The following TMEM67 variants were observed in gnomAD, a reference collection of about 807,000 sequenced individuals.
The protein encoded by TMEM67 is transmembrane protein 67.
Under a neutral mutation model 136.6 loss-of-function variants are expected in TMEM67, and 124 were observed. The observed-to-expected ratio is 0.91, with a 90% CI of 0.78 to 1.05. The LOEUF is 1.05. TMEM67 is among the 50% of genes least tolerant of loss of function. TMEM67 has a pLI of 0.00. For synonymous variants in TMEM67, 364 were observed against 390.5 expected (o/e 0.93, Z 0.80); for missense variants, 1,107 against 1,178.4 (o/e 0.94, Z 0.89).
chr8:93,801,752 A>G (rs1814881781), intron 21 of TMEM67, among the ~76,000 whole-genome samples: 1 of 152,188 alleles, frequency 6.6e-6, no homozygotes, highest in Admixed American at 6.5e-5. Context: ...GGTATTCAGT[A>G]ATCTGTGGAT....
At chr8:93,786,834 C>T (rs1814133489) in intron 13 of TMEM67, among the ~76,000 whole-genome samples, 1 of 152,108 alleles carries the variant, frequency 6.6e-6, no homozygotes, top group South Asian at 2.1e-4. Context: ...TGTGAGATCT[C>T]TAAAATCTTA....
chr8:93,771,184 C>G (rs1024749579), intron 6 of TMEM67, among the ~76,000 whole-genome samples: 9 of 148,088 alleles, frequency 6.1e-5, no homozygotes, highest in African/African-American at 2.2e-4. Context: ...AATAACAATT[C>G]TATTATTCCC....
chr8:93,755,275 C>A, intron 1 of TMEM67, 138 bp downstream of exon 1: 2 of 864,384 alleles, frequency 2.3e-6, no homozygotes, highest in Non-Finnish European at 3.8e-6. Flanking sequence ...CCGCCTCCGC[C>A]TCCCAAAGTG....
chr8:93,766,107 A>G (rs1813070600), intron 6 of TMEM67, among the ~76,000 whole-genome samples: 1 of 152,034 alleles, frequency 6.6e-6, no homozygotes, highest in South Asian at 2.1e-4. Context: ...TTATTTGGCC[A>G]GATTTTTCCT....
rs138495521 is a variant in TMEM67 at position 93,798,760 on chromosome 8, A to G, written c.2101-858A>G. ...GTTTGTATCCCTAGGGCTTTAAAATAATATGAACAAGACTTCCAAAGTTCA... is the reference window on the plus strand; with the variant it reads ...GTTTGTATCCCTAGGGCTTTAAAATGATATGAACAAGACTTCCAAAGTTCA... On this transcript the variant is annotated intron_variant, in intron 20 of 27. Transcript: ENST00000453321. Among the ~76,000 whole-genome samples the G allele has an allele frequency of 9.9e-5, 15 of 152,270 alleles. 1 individual carries two copies. Among genetic ancestry groups the G allele is most frequent in the Admixed American group, 9.8e-4 (15 of 15,296 alleles).
At chr8:93,763,671 T>C (rs1812950060) in intron 3 of TMEM67, among the ~76,000 whole-genome samples, 171 bp from the exon 4 acceptor site, 1 of 152,220 alleles carries the variant, frequency 6.6e-6, no homozygotes, top group Admixed American at 6.5e-5. Context: ...AAGGGATCAC[T>C]TCTCTACACT....
intron 23 of TMEM67, among the ~76,000 whole-genome samples, 155 bp downstream of exon 23, chr8:93,805,033 C>T (rs1040689108): frequency 4.6e-5 from 7 of 151,874 alleles, no homozygotes; most frequent in African/African-American, 7.3e-5. Context: ...AGTGCAGTGG[C>T]GCAATCTCGG....
intron 7 of TMEM67, among the ~76,000 whole-genome samples, chr8:93,779,927 T>A (rs1331508982): frequency 6.6e-6 from 1 of 152,208 alleles, no homozygotes; most frequent in Non-Finnish European, 1.5e-5. Context: ...CAGGGATGTT[T>A]AACTCTGCAG....
At chr8:93,826,285 G>A in the TMEM67 span, among the ~76,000 whole-genome samples, 2 of 151,454 alleles carry the variant, frequency 1.3e-5, no homozygotes, top group Non-Finnish European at 2.9e-5. Flanking sequence ...GCCCACCACC[G>A]CGCGTGGCTA....
In TMEM67 at chr8:93,799,610, T is replaced by C. The variant is rs544088620; in HGVS notation, c.2101-8T>C. 1.9e-6 allele frequency: 3 copies of C among 1,613,864 alleles called. No individual in the cohort carries two copies. Among genetic ancestry groups the C allele is most frequent in the African/African-American group, 2.7e-5 (2 of 75,038 alleles). On this transcript the variant is annotated splice_region_variant and splice_polypyrimidine_tract_variant and intron_variant, in intron 20 of 27. Transcript: ENST00000453321. ...CGTTTAAATTACTACTTTTCCTTTT[T>C]ACTCCAGGTTGTGGGATTCAAGAAC...
chr8:93,795,515 A>T lies in TMEM67; in HGVS notation c.1773+8A>T, dbSNP rs762301755. On this transcript the variant is annotated splice_region_variant and intron_variant, in intron 17 of 27. Transcript: ENST00000453321. ...TGGCTTATTTTCTTCAAAGTGAGTG[A>T]GTTTCTGAATTTTCCCCAACTGCCA... 1 of 1,607,490 alleles carries T rather than the reference A, an allele frequency of 6.2e-7. No individual in the cohort carries two copies. The highest frequency in any genetic ancestry group is 1.1e-5 in the South Asian group (1 of 90,916).
At chr8:93,758,212 G>A (rs1265232234) in intron 2 of TMEM67, among the ~76,000 whole-genome samples, 2 of 152,138 alleles carry the variant, frequency 1.3e-5, no homozygotes, top group Non-Finnish European at 2.9e-5. Flanking sequence ...TATGAAAGAG[G>A]CATCCATTTG....
intron 18 of TMEM67, 44 bp from the exon 19 acceptor site, chr8:93,797,090 A>G: frequency 8.6e-7 from 1 of 1,158,218 alleles, no homozygotes; most frequent in Non-Finnish European, 1.3e-6. Context: ...AAGCAGACTT[A>G]ACGCTGGTAC....
chr8:93,771,861 C>T (rs1405304155), intron 6 of TMEM67, among the ~76,000 whole-genome samples: 1 of 152,184 alleles, frequency 6.6e-6, no homozygotes, highest in East Asian at 1.9e-4. Flanking sequence ...AATAGTACCT[C>T]ATAGTTTTAT....
chr8:93,799,208 A>G (rs972922038), intron 20 of TMEM67, among the ~76,000 whole-genome samples: 9 of 152,150 alleles, frequency 5.9e-5, no homozygotes, highest in African/African-American at 2.2e-4. Context: ...TTTAGAAGAC[A>G]TTTTGTAATA....
rs376098493 is a variant in TMEM67 at position 93,778,109 on chromosome 8, G to A, written c.715-2484G>A. Among the ~76,000 whole-genome samples, 3 of 152,262 alleles carry A rather than the reference G, an allele frequency of 2.0e-5. No homozygotes were observed. In the East Asian group the frequency reaches 5.8e-4, roughly 29 times the overall value. On this transcript the variant is annotated intron_variant, in intron 7 of 27. Coordinates refer to ENST00000453321, the MANE Select transcript of TMEM67 (RefSeq NM_153704.6). Reference sequence around the variant, plus strand: ...ATTGATCCCTTTACCATTATGTAATGCCCTTCTTTGTCTCTTTTGATCTTT... The same window carrying A: ...ATTGATCCCTTTACCATTATGTAATACCCTTCTTTGTCTCTTTTGATCTTT...
At position 93,765,615 on chromosome 8, in the gene TMEM67, G is replaced by T; in HGVS notation, c.620G>T (p.Arg207Leu). The T allele has an allele frequency of 6.2e-7, 1 of 1,613,154 alleles. No homozygotes were observed. The highest frequency in any genetic ancestry group is 8.5e-7 in the Non-Finnish European group (1 of 1,179,252). ...AGCAGCACAGGGAATTTTCCTCTAC[G>T]TAGAATTTCAGCTGCACGTTATGGA... Reference protein sequence around the residue: ...CFSSTGNFPLRRISAARYGEV... With the variant: ...CFSSTGNFPLLRISAARYGEV... Residue 207 changes from arginine (R) to leucine (L), a missense_variant, in exon 6 of 28, where the codon CGT (arginine) becomes CTT (leucine). Physicochemically the swap from Arg to Leu is moderately radical, Grantham distance 102. This residue lies in a region of TMEM67 where 925 missense variants were observed against 1,002.4 expected (regional missense o/e 0.92). Transcript: ENST00000453321.
downstream of TMEM67, among the ~76,000 whole-genome samples, chr8:93,823,935 A>C (rs1383737347): frequency 6.6e-6 from 1 of 151,872 alleles, no homozygotes; most frequent in East Asian, 1.9e-4. Flanking sequence ...CACAGTTTTC[A>C]AAGGATTGTT....
At chr8:93,832,292 G>T in the TMEM67 span, among the ~76,000 whole-genome samples, 1 of 152,194 alleles carries the variant, frequency 6.6e-6, no homozygotes, top group Non-Finnish European at 1.5e-5. Context: ...TAGATTGTAT[G>T]CTACTTGGAT....
Sources: gnomAD v4.1 joint callset for allele counts (sites outside exome capture counted in the v4.1 genomes callset) on GRCh38, gnomAD v4.1.1 for gene constraint, gnomAD v4.1.1 regional missense constraint, MANE v1.5 for transcripts, NCBI Gene and HGNC (gene_info 2026-07-23, HGNC 2026-07-21) for gene names.